FBXL17: variants seen among roughly 807,000 people sequenced by gnomAD.
FBXL17 encodes F-box/LRR-repeat protein 17.
In FBXL17, 22 loss-of-function variants were observed where a neutral mutation model predicts 66.2. That is an observed-to-expected ratio of 0.33 (90% CI 0.24 to 0.47). FBXL17 has a LOEUF of 0.47. Ranked by LOEUF, FBXL17 falls within the 20% of genes least tolerant of loss-of-function variation. FBXL17 has a pLI of 1.00. For synonymous variants in FBXL17, 474 were observed against 400.5 expected (o/e 1.18, Z -2.19); for missense variants, 878 against 948.2 (o/e 0.93, Z 0.97).
intron 6 of FBXL17, among the ~76,000 whole-genome samples, chr5:108,120,704 G>A (rs1750454519): frequency 6.6e-6 from 1 of 152,070 alleles, no homozygotes; most frequent in South Asian, 2.1e-4. Flanking sequence ...CTGGTGGCAT[G>A]TGCCTGTAGT....
chr5:108,286,730 A>G (rs1452392124), intron 4 of FBXL17, among the ~76,000 whole-genome samples: 1 of 152,134 alleles, frequency 6.6e-6, no homozygotes, highest in African/African-American at 2.4e-5. Flanking sequence ...TAGAGATTCA[A>G]TGCTATTCCT....
chr5:108,011,780 C>T (rs896341907), intron 7 of FBXL17, among the ~76,000 whole-genome samples: 5 of 152,080 alleles, frequency 3.3e-5, no homozygotes, highest in African/African-American at 4.8e-5. Context: ...GTTAAGATCT[C>T]GCCACTGCAC....
chr5:108,079,488 C>A (rs1748683124), intron 6 of FBXL17, among the ~76,000 whole-genome samples: 1 of 152,034 alleles, frequency 6.6e-6, no homozygotes, highest in Non-Finnish European at 1.5e-5. Context: ...ATGAAAGACA[C>A]TGGGTAGAGT....
chr5:108,030,046 C>T (rs947364889), intron 6 of FBXL17, among the ~76,000 whole-genome samples: 6 of 152,116 alleles, frequency 3.9e-5, no homozygotes, highest in East Asian at 1.9e-4. Flanking sequence ...ATGTAGTATA[C>T]GTGTACATGT....
intron 4 of FBXL17, among the ~76,000 whole-genome samples, chr5:108,240,302 A>T (rs1193175963): frequency 6.6e-6 from 1 of 152,082 alleles, no homozygotes; most frequent in Non-Finnish European, 1.5e-5. Flanking sequence ...CATTTCTATA[A>T]CTACCCTGAG....
chr5:107,904,072 T>A (rs1749667986), intron 7 of FBXL17, among the ~76,000 whole-genome samples: 1 of 152,230 alleles, frequency 6.6e-6, no homozygotes, highest in Non-Finnish European at 1.5e-5. Context: ...AAAATATTAA[T>A]GACTCCAAGC....
intron 7 of FBXL17, among the ~76,000 whole-genome samples, chr5:108,010,858 C>A (rs1317978434): frequency 6.6e-6 from 1 of 152,118 alleles, no homozygotes; most frequent in African/African-American, 2.4e-5. Context: ...TGCAAAACCA[C>A]TGCATATTTT....
At chr5:108,025,728 C>T (rs1473991366) in intron 6 of FBXL17, among the ~76,000 whole-genome samples, 4 of 37,402 alleles carry the variant, frequency 1.1e-4, no homozygotes, top group South Asian at 1.1e-3. Flanking sequence ...CGCGCGCGCG[C>T]ACACACACAC....
chr5:108,343,154 T>C (rs950171041), intron 4 of FBXL17, among the ~76,000 whole-genome samples: 1 of 152,182 alleles, frequency 6.6e-6, no homozygotes, highest in Non-Finnish European at 1.5e-5. Flanking sequence ...AGCCTCCAGA[T>C]CTGTGACAAA....
intron 6 of FBXL17, among the ~76,000 whole-genome samples, chr5:108,085,985 C>G (rs1748954944): frequency 6.6e-6 from 1 of 152,162 alleles, no homozygotes; most frequent in Non-Finnish European, 1.5e-5. Context: ...GTCTTTCTGA[C>G]TTTCTTCCCT....
At chr5:108,186,332 A>T in intron 5 of FBXL17, 85 bp from the exon 6 acceptor site, 1 of 1,103,718 alleles carries the variant, frequency 9.1e-7, no homozygotes. Flanking sequence ...ATTACAAGGT[A>T]GAGTATCACT....
At chr5:107,950,052 A>C (rs1283713461) in intron 7 of FBXL17, among the ~76,000 whole-genome samples, 1 of 152,182 alleles carries the variant, frequency 6.6e-6, no homozygotes, top group Non-Finnish European at 1.5e-5. Flanking sequence ...AAGATTTGTC[A>C]GAAAAGAAAG....
chr5:108,298,615 A>G, intron 4 of FBXL17: 2 of 933,898 alleles, frequency 2.1e-6, no homozygotes, highest in Non-Finnish European at 2.6e-6. Context: ...TCTTTTTTTT[A>G]ATAGCAAAGT....
chr5:108,053,761 G>A (rs1030756701), intron 6 of FBXL17, among the ~76,000 whole-genome samples: 4 of 152,092 alleles, frequency 2.6e-5, no homozygotes, highest in South Asian at 2.1e-4. Flanking sequence ...CCATTAATGG[G>A]TATATACCCA....
chr5:108,023,523 C>T (rs913769140), intron 6 of FBXL17, among the ~76,000 whole-genome samples: 5 of 152,066 alleles, frequency 3.3e-5, no homozygotes, highest in Non-Finnish European at 5.9e-5. Flanking sequence ...CCACCTATGT[C>T]GCGTTTCCCT....
intron 4 of FBXL17, among the ~76,000 whole-genome samples, chr5:108,283,615 G>C (rs1449265202): frequency 6.6e-6 from 1 of 151,942 alleles, no homozygotes; most frequent in African/African-American, 2.4e-5. Context: ...TCTGGACATT[G>C]ATCTAGGCAA....
At chr5:108,006,367 T>A (rs1008055898) in intron 7 of FBXL17, among the ~76,000 whole-genome samples, 3 of 152,164 alleles carry the variant, frequency 2.0e-5, no homozygotes, top group Admixed American at 6.5e-5. Flanking sequence ...TTAAATATAT[T>A]TTGAGGATAG....
At chr5:107,865,171 T>C (rs1222851210) in intron 8 of FBXL17, among the ~76,000 whole-genome samples, 1 of 152,232 alleles carries the variant, frequency 6.6e-6, no homozygotes, top group African/African-American at 2.4e-5. Flanking sequence ...TTTTCTATGG[T>C]ACATCTTTTC....
In FBXL17 at chr5:108,381,203, G is replaced by C. The variant is rs1749880093; in HGVS notation, c.489C>G (p.Ser163Arg). ...EQQGRSLFLA[S>R]LGPVRFLGPP... Reference sequence around the variant, plus strand: ...GCCCCAGGAAGCGCACCGGCCCCAAGCTGGCCAGGAAGAGACTTCGGCCCT... The same window carrying C: ...GCCCCAGGAAGCGCACCGGCCCCAACCTGGCCAGGAAGAGACTTCGGCCCT... The change falls in exon 1 of 9, where the codon AGC becomes AGG. Residue 163 changes from serine to arginine, a missense_variant. Coordinates refer to ENST00000542267, the MANE Select transcript of FBXL17 (RefSeq NM_001163315.3). 1 of 1,444,076 alleles carries C rather than the reference G, an allele frequency of 6.9e-7. No individual in the cohort carries two copies. Among genetic ancestry groups the C allele is most frequent in the Non-Finnish European group, 9.1e-7 (1 of 1,100,128 alleles). The allele number at this position is 1,444,076 out of a possible 1,614,324, so 89.5% of individuals were successfully genotyped here.
Sources: gnomAD v4.1 joint callset for allele counts (sites outside exome capture counted in the v4.1 genomes callset) on GRCh38, gnomAD v4.1.1 for gene constraint, MANE v1.5 for transcripts, NCBI Gene and HGNC (gene_info 2026-07-23, HGNC 2026-07-21) for gene names.